Variants in MAJIN observed in about 807,000 individuals in gnomAD.
MAJIN encodes membrane anchored junction protein, also known as membrane-anchored junction protein.
A neutral mutation model predicts 30.2 loss-of-function variants in MAJIN; 27 were observed. That is an observed-to-expected ratio of 0.89 (90% CI 0.66 to 1.23). The LOEUF (loss-of-function observed/expected upper bound fraction) is 1.23. MAJIN is among the 50% of genes most tolerant of loss of function. The probability of loss-of-function intolerance (pLI) is 0.00; values close to 1 mark genes in which losing one functional copy is unlikely to be tolerated. For synonymous variants in MAJIN, 78 were observed against 91.6 expected, an observed-to-expected ratio of 0.85 and a Z score of 0.85; for missense variants, 253 against 260.3, an observed-to-expected ratio of 0.97 and a Z score of 0.19.
At chr11:64,948,644 T>C (rs1382981081) in intron 6 of MAJIN, among the ~76,000 whole-genome samples, 9 of 25,472 alleles carry the variant, frequency 3.5e-4, no homozygotes, top group African/African-American at 1.8e-3. Context: ...TATATATTTT[T>C]TTTTTTTTTT....
intron 1 of MAJIN, among the ~76,000 whole-genome samples, chr11:64,962,414 T>C (rs1026680271): frequency 6.6e-6 from 1 of 150,978 alleles, no homozygotes; most frequent in Non-Finnish European, 1.5e-5. Flanking sequence ...TTTTCCAACA[T>C]TGAGTACTGT....
chr11:64,943,708 A>G (rs771665645), intron 8 of MAJIN, among the ~76,000 whole-genome samples: 14 of 152,216 alleles, frequency 9.2e-5, no homozygotes, highest in Non-Finnish European at 2.1e-4. Flanking sequence ...TGAAAAGGTA[A>G]TTATGTTGAG....
At chr11:64,955,959 G>A (rs1005508609) in intron 3 of MAJIN, among the ~76,000 whole-genome samples, 1 of 152,194 alleles carries the variant, frequency 6.6e-6, no homozygotes, top group African/African-American at 2.4e-5. Flanking sequence ...CTGAGGTCAG[G>A]AGTTCGAGAC....
At chr11:64,940,342 A>G (rs750314623) in intron 9 of MAJIN, among the ~76,000 whole-genome samples, 5 of 152,202 alleles carry the variant, frequency 3.3e-5, no homozygotes, top group African/African-American at 4.8e-5. Context: ...TATCAGAAGC[A>G]GAGGAAGGGC....
chr11:64,946,201 A>G (rs1174174147), intron 8 of MAJIN: 1 of 1,499,954 alleles, frequency 6.7e-7, no homozygotes, highest in Admixed American at 2.1e-5. Context: ...CAGAGGCAAT[A>G]TCACTACATT....
At chr11:64,951,015 T>C (rs888983125) in intron 4 of MAJIN, among the ~76,000 whole-genome samples, 37 of 152,324 alleles carry the variant, frequency 2.4e-4, no homozygotes, top group African/African-American at 8.9e-4. Flanking sequence ...TCCAGAAATC[T>C]TTCCCTGATT....
chr11:64,970,602 T>A (rs957386102), intron 1 of MAJIN, among the ~76,000 whole-genome samples: 7 of 151,216 alleles, frequency 4.6e-5, no homozygotes, highest in Non-Finnish European at 7.4e-5. Flanking sequence ...CCTGACCTTG[T>A]GATCCACCTG....
At chr11:64,953,822 G>C (rs1025460408) in intron 4 of MAJIN, among the ~76,000 whole-genome samples, 3 of 152,020 alleles carry the variant, frequency 2.0e-5, no homozygotes, top group Middle Eastern at 6.8e-3. Flanking sequence ...CAAAAAACCA[G>C]GTAGAACATT....
Position 64,940,574 on chromosome 11 carries a change from C to G in MAJIN, c.546G>C (p.Lys182Asn). 6.2e-7 allele frequency: 1 copy of G among 1,613,060 alleles called. No homozygotes were observed. The highest frequency in any genetic ancestry group is 8.5e-7 in the Non-Finnish European group (1 of 1,179,040). The change falls in exon 9 of 11, where the codon AAG (lysine) becomes AAC (asparagine). Residue 182 changes from lysine to asparagine, a missense_variant and splice_region_variant. Lys to Asn is a moderately conservative substitution (Grantham distance 94, BLOSUM62 0). Coordinates refer to ENST00000301896, the MANE Select transcript of MAJIN (RefSeq NM_001037225.3). ...WPLISLMSRN[K>N]ILSGDTACQG... ...TAAATGGAAATTTCCCAGGACCTAC[C>G]TTGTTTCTGGACATCAGTGATATCA...
At chr11:64,958,796 T>C (rs992122671) in intron 3 of MAJIN, among the ~76,000 whole-genome samples, 6 of 152,046 alleles carry the variant, frequency 3.9e-5, no homozygotes, top group African/African-American at 1.2e-4. Flanking sequence ...GGCTAATTTT[T>C]GTATTTTTAG....
intron 1 of MAJIN, among the ~76,000 whole-genome samples, chr11:64,962,784 T>C (rs1945747472): frequency 6.6e-6 from 1 of 152,162 alleles, no homozygotes. Context: ...ATATAAACGT[T>C]AGCACTTACG....
chr11:64,961,173 T>G (rs2509733), intron 1 of MAJIN, among the ~76,000 whole-genome samples: 2 of 141,132 alleles, frequency 1.4e-5, no homozygotes, highest in Non-Finnish European at 3.1e-5. Context: ...GTTTTTGTGG[T>G]TTTTTTTTTT....
At position 64,949,805 on chromosome 11, in the gene MAJIN, G is replaced by A. The variant is rs1329479052; in HGVS notation, c.287C>T (p.Pro96Leu). ...KFKHGEIILI[P>L]YPFVFTLYVE... ...ATATAGAGTAAAAACAAATGGGTAG[G>A]GGATCAAGATAATTTCCCCATGTTT... The change falls in exon 6 of 11, where the codon CCC becomes CTC. Residue 96 changes from proline to leucine, a missense_variant. Pro to Leu is a moderately conservative substitution (Grantham distance 98). Coordinates refer to ENST00000301896, the MANE Select transcript of MAJIN (RefSeq NM_001037225.3). 3 of 1,611,518 alleles carry A rather than the reference G, an allele frequency of 1.9e-6. No individual in the cohort carries two copies. In the African/African-American group the frequency reaches 4.0e-5, roughly 22 times the overall value.
At position 64,949,829 on chromosome 11, in the gene MAJIN, T is replaced by A; in HGVS notation, c.263A>T (p.Lys88Ile). Residue 88 changes from lysine (K) to isoleucine (I), a missense_variant, in exon 6 of 11, where the codon AAA (lysine) becomes ATA (isoleucine). By Grantham distance (102) the Lys-to-Ile change is moderately radical. Transcript: ENST00000301896. ...KWERVSHLKF[K>I]HGEIILIPYP... ...GGGGATCAAGATAATTTCCCCATGTTTGAATTTCAGGTGGGAAACTCTCTC... is the reference window on the plus strand; with the variant it reads ...GGGGATCAAGATAATTTCCCCATGTATGAATTTCAGGTGGGAAACTCTCTC... 1 of 1,609,436 alleles carries A rather than the reference T, an allele frequency of 6.2e-7. No individual in the cohort carries two copies. The highest frequency in any genetic ancestry group is 8.5e-7 in the Non-Finnish European group (1 of 1,179,850).
Position 64,939,706 on chromosome 11 carries a change from AG to A in MAJIN, c.607del (p.Leu203SerfsTer3), listed in dbSNP as rs1484757520. ...ELSHPCSTTH[L>X]HLRSEQPPAS... ...CGGTGGCTGCTCGCTCCTTAGGTGG[AG>A]GTGAGTTGTGCTGCAGGGGTGGGAC... On this transcript the variant is annotated frameshift_variant, in exon 10 of 11. Transcript: ENST00000301896. LOFTEE classifies it high-confidence loss of function. The A allele has an allele frequency of 1.2e-6, 2 of 1,613,954 alleles. No individual in the cohort carries two copies. Among genetic ancestry groups the A allele is most frequent in the Non-Finnish European group, 1.7e-6 (2 of 1,179,976 alleles).
In MAJIN at chr11:64,958,476, G is replaced by A. The variant is rs561491253; in HGVS notation, c.101+829C>T. 1.4e-3 allele frequency among the ~76,000 whole-genome samples: 212 copies of A among 151,702 alleles called. 2 individuals are homozygous for A. The highest frequency in any genetic ancestry group is 2.3e-3 in the Non-Finnish European group (155 of 67,932). On this transcript the variant is annotated intron_variant, in intron 3 of 10. Transcript: ENST00000301896. ...ACAAAAAAAATTTTAAAATTAGCCT[G>A]GTGTGGTGGCACTATGCCTGTAGTC...
chr11:64,960,197 G>T (rs1945701255), intron 1 of MAJIN, 62 bp from the exon 2 acceptor site: 1 of 152,124 alleles, frequency 6.6e-6, no homozygotes, highest in Non-Finnish European at 1.5e-5. Flanking sequence ...GAGATCCAGA[G>T]TTCCTAAGGA....
At chr11:64,944,594 G>T (rs757907000) in intron 8 of MAJIN, among the ~76,000 whole-genome samples, 1 of 152,196 alleles carries the variant, frequency 6.6e-6, no homozygotes, top group East Asian at 1.9e-4. Context: ...GAGAGGTGGA[G>T]GTTGCAGTGA....
chr11:64,957,841 C>A (rs982294780), intron 3 of MAJIN, among the ~76,000 whole-genome samples: 2 of 151,942 alleles, frequency 1.3e-5, no homozygotes, highest in African/African-American at 4.8e-5. Flanking sequence ...GGATTACAGG[C>A]ATGAGCCATC....
Sources: allele counts gnomAD v4.1 joint callset (sites outside exome capture counted in the v4.1 genomes callset), GRCh38; gene constraint gnomAD v4.1.1; transcripts MANE v1.5; gene names NCBI Gene and HGNC (gene_info 2026-07-23, HGNC 2026-07-21).